The following POLA2 variants were observed in gnomAD, a reference collection of about 807,000 sequenced individuals.
POLA2 encodes DNA polymerase alpha 2, accessory subunit.
A neutral mutation model predicts 82.8 loss-of-function variants in POLA2; 47 were observed. The ratio of observed to expected loss-of-function variants is 0.57; its 90% confidence interval spans 0.45 to 0.72. The LOEUF (loss-of-function observed/expected upper bound fraction) is 0.72, where lower values mean the gene tolerates loss of function less well. POLA2 is among the 30% of genes least tolerant of loss of function. The pLI is 0.00. For missense variants in POLA2, 634 were observed against 728.1 expected, an observed-to-expected ratio of 0.87 and a Z score of 1.49; for synonymous variants, 287 against 286.8, an observed-to-expected ratio of 1.00 and a Z score of -0.01.
At chr11:65,290,694 C>T (rs1001208266) in intron 13 of POLA2, among the ~76,000 whole-genome samples, 1 of 152,210 alleles carries the variant, frequency 6.6e-6, no homozygotes, top group African/African-American at 2.4e-5. Flanking sequence ...TCTTTGGTTG[C>T]TCTTTCTCTT....
intron 10 of POLA2, 125 bp from the exon 11 acceptor site, chr11:65,287,591 C>A: frequency 1.2e-6 from 1 of 813,976 alleles, no homozygotes; most frequent in East Asian, 2.7e-5. Context: ...CCTTGGGTCC[C>A]CAGAGTTTCA....
chr11:65,300,319 C>G (rs977836239), downstream of POLA2, among the ~76,000 whole-genome samples: 4 of 152,028 alleles, frequency 2.6e-5, no homozygotes, highest in Admixed American at 1.3e-4. Context: ...CCTCAGCCTC[C>G]TGAGTAGCTG....
chr11:65,271,400 T>TCTGACTCA (rs1949519883), intron 4 of POLA2, among the ~76,000 whole-genome samples: 1 of 152,188 alleles, frequency 6.6e-6, no homozygotes, highest in South Asian at 2.1e-4. Flanking sequence ...TATTCCGGAG[T>TCTGACTCA]CTGACTCATG....
intron 15 of POLA2, among the ~76,000 whole-genome samples, 164 bp from the exon 16 acceptor site, chr11:65,295,376 G>A (rs1486728149): frequency 1.3e-5 from 2 of 152,136 alleles, no homozygotes; most frequent in African/African-American, 4.8e-5. Context: ...GACAGACTGA[G>A]CTCCTTGTGG....
intron 1 of POLA2, among the ~76,000 whole-genome samples, chr11:65,264,797 C>T (rs1949440446): frequency 6.6e-6 from 1 of 152,214 alleles, no homozygotes; most frequent in South Asian, 2.1e-4. Flanking sequence ...TGGTAATTCT[C>T]CTGTCTTACA....
At chr11:65,287,042 T>C (rs1433716316) in intron 10 of POLA2, among the ~76,000 whole-genome samples, 1 of 152,182 alleles carries the variant, frequency 6.6e-6, no homozygotes. Flanking sequence ...TTGCAGACCC[T>C]GGGAGGAGAG....
intron 1 of POLA2, among the ~76,000 whole-genome samples, chr11:65,263,970 A>G (rs1427700480): frequency 6.6e-6 from 1 of 152,242 alleles, no homozygotes; most frequent in Non-Finnish European, 1.5e-5. Flanking sequence ...CTTTCATCTC[A>G]TGGCAATGGC....
At chr11:65,282,893 C>T (rs569587507) in intron 10 of POLA2, among the ~76,000 whole-genome samples, 1 of 152,252 alleles carries the variant, frequency 6.6e-6, no homozygotes, top group African/African-American at 2.4e-5. Context: ...CTTTGGGAGG[C>T]CAAGGTGGGA....
intron 17 of POLA2, chr11:65,296,455 G>A (rs1044591434): frequency 1.2e-5 from 2 of 164,416 alleles, no homozygotes; most frequent in African/African-American, 4.8e-5. Context: ...AATCTGCCTA[G>A]ACCAGTCCCC....
chr11:65,271,880 G>A (rs1162935074), intron 4 of POLA2, among the ~76,000 whole-genome samples: 4 of 150,696 alleles, frequency 2.7e-5, no homozygotes, highest in African/African-American at 9.8e-5. Flanking sequence ...TGAATTCCAC[G>A]CTAAATGAGT....
chr11:65,284,925 G>A (rs1264146458), intron 10 of POLA2, among the ~76,000 whole-genome samples: 1 of 152,166 alleles, frequency 6.6e-6, no homozygotes, highest in East Asian at 1.9e-4. Context: ...TGTAACAGTG[G>A]CCAGAGCCAT....
At chr11:65,266,349 CAT>C in intron 1 of POLA2, 1 of 501,544 alleles carries the variant, frequency 2.0e-6, no homozygotes. Flanking sequence ...TGGGCTTTTC[CAT>C]GATTCTTTAA....
rs534148427 is a variant in POLA2 at position 65,275,930 on chromosome 11, C to A, written c.393C>A (p.Pro131=). The change falls in exon 5 of 18, where the codon CCC becomes CCA. Residue 131 remains proline (P), a synonymous_variant. Coordinates refer to ENST00000265465, the MANE Select transcript of POLA2 (RefSeq NM_002689.4). ...GAGCTATCTCTACCCCAGAAACCCC[C>A]CTAACAAAAAGGAGTGTGTCAACTC... The part of the protein sequence containing the change: ...QKRAISTPET[P]LTKRSVSTRS... 1 of 1,608,576 alleles carries A rather than the reference C, an allele frequency of 6.2e-7. No homozygotes were observed. The highest frequency in any genetic ancestry group is 8.5e-7 in the Non-Finnish European group (1 of 1,177,684).
chr11:65,288,071 C>T (rs1590906131), intron 11 of POLA2, among the ~76,000 whole-genome samples: 4 of 152,150 alleles, frequency 2.6e-5, no homozygotes, highest in South Asian at 4.2e-4. Context: ...TTTGGGAGGC[C>T]GAGATGTGTG....
At chr11:65,283,504 C>G (rs529458332) in intron 10 of POLA2, among the ~76,000 whole-genome samples, 3 of 151,916 alleles carry the variant, frequency 2.0e-5, no homozygotes, top group African/African-American at 7.2e-5. Flanking sequence ...GAGTCTCGCT[C>G]TGCCCCCCAG....
chr11:65,269,343 C>T (rs560822720), intron 4 of POLA2, among the ~76,000 whole-genome samples: 4 of 152,078 alleles, frequency 2.6e-5, no homozygotes, highest in South Asian at 2.1e-4. Flanking sequence ...AGAAATTAGC[C>T]GGGCGTGGTG....
chr11:65,295,552 T>G lies in POLA2; in HGVS notation c.1473T>G (p.Thr491=). ...TTTTCTTTCCCAGTTCTTCCGGAAC[T>G]TCAGACAGATTCAGCCGAATACTCA... ...GAEEISSSSG[T]SDRFSRILKH... The change falls in exon 16 of 18, where the codon ACT becomes ACG. Residue 491 remains threonine (T), a synonymous_variant. Coordinates refer to ENST00000265465, the MANE Select transcript of POLA2 (RefSeq NM_002689.4). 6.2e-7 allele frequency: 1 copy of G among 1,613,998 alleles called. No homozygotes were observed. The highest frequency in any genetic ancestry group is 1.1e-5 in the South Asian group (1 of 91,090).
At chr11:65,289,439 A>G (rs1340062482) in intron 12 of POLA2, among the ~76,000 whole-genome samples, 1 of 152,194 alleles carries the variant, frequency 6.6e-6, no homozygotes, top group Non-Finnish European at 1.5e-5. Context: ...CAAGCTTATA[A>G]CTCATCTTGC....
chr11:65,277,528 T>C (rs1425893765), intron 5 of POLA2, among the ~76,000 whole-genome samples: 1 of 152,212 alleles, frequency 6.6e-6, no homozygotes, highest in African/African-American at 2.4e-5. Context: ...TACTGCTGCT[T>C]TGGGGAGTTC....
Sources: allele counts gnomAD v4.1 joint callset (sites outside exome capture counted in the v4.1 genomes callset), GRCh38; gene constraint gnomAD v4.1.1; transcripts MANE v1.5; gene names NCBI Gene and HGNC (gene_info 2026-07-23, HGNC 2026-07-21).